EPPK1: variants seen among roughly 807,000 people sequenced by gnomAD.
The protein encoded by EPPK1 is epiplakin.
For missense variants in EPPK1, 3,823 were observed against 3,673.3 expected (o/e 1.04, Z -1.05); for synonymous variants, 1,862 against 1,721.2 (o/e 1.08, Z -2.03).
rs376434440 is a variant in EPPK1 at position 143,866,863 on chromosome 8, C to A, written c.6391G>T (p.Val2131Leu). 2 of 1,613,286 alleles carry A rather than the reference C, an allele frequency of 1.2e-6. No individual in the cohort carries two copies. The highest frequency in any genetic ancestry group is 1.7e-6 in the Non-Finnish European group (2 of 1,179,854). The change falls in exon 2 of 2, where the codon GTG (valine) becomes TTG (leucine). Residue 2131 changes from valine (V) to leucine (L), a missense_variant. Coordinates refer to ENST00000615648, the MANE Select transcript of EPPK1 (RefSeq NM_031308.4). ...AGCTGGAGCTTCTTCTCCTCTGTCA[C>A]GTATTCGGAATTCAGTAGTGCCCAC... is the stretch of plus-strand genomic sequence containing the variant. ...TLWALLNSEY[V>L]TEEKKLQLVR...
chr8:143,876,192 G>T (rs1162651010), intron 1 of EPPK1, among the ~76,000 whole-genome samples: 2 of 152,194 alleles, frequency 1.3e-5, no homozygotes, highest in Non-Finnish European at 2.9e-5. Context: ...CACAGGGGCA[G>T]ACAGGGTGCA....
chr8:143,868,878 G>C lies in EPPK1; in HGVS notation c.4376C>G (p.Thr1459Arg). Residue 1459 changes from threonine to arginine, a missense_variant, in exon 2 of 2, where the codon ACA (threonine) becomes AGA (arginine). By Grantham distance (71) the Thr-to-Arg change is moderately conservative. Coordinates refer to ENST00000615648, the MANE Select transcript of EPPK1 (RefSeq NM_031308.4). ...CACGCTACACCCCTTAAACCTCCCTGTGCTGACGGGCACCTTCATGGCCCT... is the reference window on the plus strand; with the variant it reads ...CACGCTACACCCCTTAAACCTCCCTCTGCTGACGGGCACCTTCATGGCCCT... ...ALRAMKVPVS[T>R]GRFKGCSVSL... The C allele has an allele frequency of 6.2e-7, 1 of 1,610,694 alleles. No homozygotes were observed. The highest frequency in any genetic ancestry group is 8.5e-7 in the Non-Finnish European group (1 of 1,179,834).
rs527819155 is a variant in EPPK1, at chr8:143,876,943, G to A, written c.-46+1495C>T. Among the ~76,000 whole-genome samples, 4 of 152,322 alleles carry A rather than the reference G, an allele frequency of 2.6e-5. No individual in the cohort carries two copies. The East Asian group carries it at 5.8e-4, about 22-fold the overall frequency. The stretch of plus-strand genomic sequence containing the variant: ...CACCTTGGGCGGGCCCCTGACCTGC[G>A]CACAGGCCGCCAGCCCAGACAGGCC... On this transcript the variant is annotated intron_variant, in intron 1 of 1. Coordinates refer to ENST00000615648, the MANE Select transcript of EPPK1 (RefSeq NM_031308.4).
In EPPK1 at chr8:143,866,318, G is replaced by A; in HGVS notation, c.6936C>T (p.Asp2312=). The change falls in exon 2 of 2, where the codon GAC becomes GAT. Residue 2312 remains aspartate (D), a synonymous_variant. Transcript: ENST00000615648. ...SAERAVTGYT[D]PYTGQQISLF... is the part of the protein sequence containing the mutation. ...GGGAGATCTGCTGCCCGGTGTAGGGGTCGGTGTAGCCGGTGACGGCGCGCT... is the reference window on the plus strand; with the variant it reads ...GGGAGATCTGCTGCCCGGTGTAGGGATCGGTGTAGCCGGTGACGGCGCGCT... The A allele has an allele frequency of 2.5e-6, 1 of 397,358 alleles. No individual in the cohort carries two copies. The highest frequency in any genetic ancestry group is 4.0e-6 in the Non-Finnish European group (1 of 250,112). 24.6% of individuals were successfully genotyped at this position (397,358 alleles called of 1,614,324 possible).
chr8:143,871,080 G>A lies in EPPK1; in HGVS notation c.2174C>T (p.Ala725Val). 2.5e-6 allele frequency: 4 copies of A among 1,613,024 alleles called. No individual in the cohort carries two copies. The highest frequency in any genetic ancestry group is 2.5e-6 in the Non-Finnish European group (3 of 1,179,964). ...HGIRLLEAQI[A>V]TGGVIDPVHS... ...CACGGGGTCGATGACGCCGCCCGTGGCGATCTGGGCCTCCAGCAGGCGGAT... is the reference window on the plus strand; with the variant it reads ...CACGGGGTCGATGACGCCGCCCGTGACGATCTGGGCCTCCAGCAGGCGGAT... Residue 725 changes from alanine to valine, a missense_variant, in exon 2 of 2, where the codon GCC becomes GTC. Physicochemically the swap from Ala to Val is moderately conservative, Grantham distance 64. Coordinates refer to ENST00000615648, the MANE Select transcript of EPPK1 (RefSeq NM_031308.4).
chr8:143,873,277 C>T lies in EPPK1; in HGVS notation c.-24G>A. On this transcript the variant is annotated 5_prime_UTR_variant, in exon 2 of 2. Coordinates refer to ENST00000615648, the MANE Select transcript of EPPK1 (RefSeq NM_031308.4). ...ATCACACACGGCTGGTTATGCAGAGCCTGCTGAGGTCCACCTCTGTCCTGC... is the reference window on the plus strand; with the variant it reads ...ATCACACACGGCTGGTTATGCAGAGTCTGCTGAGGTCCACCTCTGTCCTGC... The T allele has an allele frequency of 1.3e-6, 2 of 1,514,436 alleles. 1 individual carries two copies. The highest frequency in any genetic ancestry group is 4.6e-5 in the East Asian group (2 of 43,294). The allele number at this position is 1,514,436 out of a possible 1,614,324, so 93.8% of individuals were successfully genotyped here. A position where few individuals can be genotyped will look rare whatever the true frequency, so the allele number is the denominator to read the frequency against.
In EPPK1 at chr8:143,872,672, G is replaced by A; in HGVS notation, c.582C>T (p.Gly194=). The A allele has an allele frequency of 6.2e-7, 1 of 1,607,826 alleles. No homozygotes were observed. The highest frequency in any genetic ancestry group is 8.5e-7 in the Non-Finnish European group (1 of 1,178,480). Residue 194 remains glycine, a synonymous_variant, in exon 2 of 2, where the codon GGC becomes GGT. Transcript: ENST00000615648. ...GGTCGAGGAAGCGCAGGTCACCTGT[G>A]CCAGGCTCAAGCTCTGACAGCTTGT... ...TWHKLSELEP[G]TGDLRFLDPN... is the part of the protein sequence containing the mutation.
rs1201005318 is a variant in EPPK1, at chr8:143,871,073, G to A, written c.2181C>T (p.Gly727=). ...GGCTGTGCACGGGGTCGATGACGCCGCCCGTGGCGATCTGGGCCTCCAGCA... is the reference window on the plus strand; with the variant it reads ...GGCTGTGCACGGGGTCGATGACGCCACCCGTGGCGATCTGGGCCTCCAGCA... ...IRLLEAQIAT[G]GVIDPVHSHR... The change falls in exon 2 of 2, where the codon GGC becomes GGT. Residue 727 remains glycine, a synonymous_variant. Transcript: ENST00000615648. 5.0e-6 allele frequency: 8 copies of A among 1,612,822 alleles called. No individual in the cohort carries two copies. The highest frequency in any genetic ancestry group is 2.7e-5 in the African/African-American group (2 of 74,936).
Position 143,868,972 on chromosome 8 carries a change from C to T in EPPK1, c.4282G>A (p.Gly1428Arg), listed in dbSNP as rs376369201. The change falls in exon 2 of 2, where the codon GGA becomes AGA. Residue 1428 changes from glycine to arginine, a missense_variant. Gly to Arg is a moderately radical substitution (Grantham distance 125, BLOSUM62 -2). Transcript: ENST00000615648. ...RERCVCDSETGLLLLPLPSDT... is the reference protein window; with the variant it reads ...RERCVCDSETRLLLLPLPSDT... ...GAGGGCAGTGGCAACAGCAACAATCCGGTCTCGGAGTCGCACACGCAGCGC... is the reference window on the plus strand; with the variant it reads ...GAGGGCAGTGGCAACAGCAACAATCTGGTCTCGGAGTCGCACACGCAGCGC... 115 of 1,610,404 alleles carry T rather than the reference C, an allele frequency of 7.1e-5. No homozygotes were observed. The African/African-American group carries it at 9.3e-4, about 13-fold the overall frequency.
In EPPK1 at chr8:143,866,809, G is replaced by A. The variant is rs903983896; in HGVS notation, c.6445C>T (p.Arg2149Trp). 2.7e-5 allele frequency: 44 copies of A among 1,613,322 alleles called. No individual in the cohort carries two copies. The highest frequency in any genetic ancestry group is 5.3e-5 in the African/African-American group (4 of 74,932). ...LVRMYRTHTR[R>W]ALQTVAQLIL... ...AGCTGCGCTACCGTCTGCAGTGCCC[G>A]TCTGGTGTGTGTTCTATACATCCTC... The change falls in exon 2 of 2, where the codon CGG becomes TGG. Residue 2149 changes from arginine to tryptophan, a missense_variant. Arg to Trp is a moderately radical substitution (Grantham distance 101). Transcript: ENST00000615648.
intron 1 of EPPK1, among the ~76,000 whole-genome samples, chr8:143,877,703 A>G (rs1353129318): frequency 6.6e-6 from 1 of 152,118 alleles, no homozygotes; most frequent in Admixed American, 6.5e-5. Context: ...CAGCAGCCTT[A>G]GCTTCTGCCC....
In EPPK1 at chr8:143,867,953, C is replaced by G. The variant is rs782798351; in HGVS notation, c.5301G>C (p.Val1767=). ...LQIIKKGENY[V]YINEATRHVL... ...CGTGTCTCGTGGCCTCATTGATGTA[C>G]ACGTAGTTTTCTCCTTTCTTTATGA... is the stretch of plus-strand genomic sequence containing the variant. Residue 1767 remains valine (V), a synonymous_variant, in exon 2 of 2, where the codon GTG becomes GTC. Coordinates refer to ENST00000615648, the MANE Select transcript of EPPK1 (RefSeq NM_031308.4). The G allele has an allele frequency of 6.2e-7, 1 of 1,613,716 alleles. No individual in the cohort carries two copies. The highest frequency in any genetic ancestry group is 8.5e-7 in the Non-Finnish European group (1 of 1,179,966).
In EPPK1 at chr8:143,869,441, C is replaced by T; in HGVS notation, c.3813G>A (p.Leu1271=). Residue 1271 remains leucine (L), a synonymous_variant, in exon 2 of 2, where the codon CTG becomes CTA. Transcript: ENST00000615648. The part of the protein sequence containing the change: ...SIAQAVRDGL[L]PTGLGQRLLE... ...GCAGCCTCTGGCCCAGGCCTGTGGG[C>T]AGGAGGCCATCCCTCACGGCCTGGG... The T allele has an allele frequency of 1.3e-6, 2 of 1,582,406 alleles. No individual in the cohort carries two copies. Among genetic ancestry groups the T allele is most frequent in the Non-Finnish European group, 1.7e-6 (2 of 1,168,452 alleles).
intron 1 of EPPK1, 34 bp downstream of exon 1, chr8:143,878,399 CACCCG>C (rs1554662606): frequency 2.5e-5 from 2 of 79,958 alleles, no homozygotes; most frequent in Admixed American, 1.5e-4. Flanking sequence ...CACCTGCCCG[CACCCG>C]CCGCACCCGC....
In EPPK1 at chr8:143,867,487, G is replaced by T; in HGVS notation, c.5767C>A (p.Pro1923Thr). The T allele has an allele frequency of 1.2e-6, 2 of 1,612,652 alleles. No individual in the cohort carries two copies. The highest frequency in any genetic ancestry group is 1.7e-6 in the Non-Finnish European group (2 of 1,179,842). ...AGCAGCCAAGTCGCAAATGCTGCAG[G>T]GATGAGCTCCTTCCTGCTGGCCTCA... ...LHEASRKELI[P>T]AAFATWLLEA... The change falls in exon 2 of 2, where the codon CCT becomes ACT. Residue 1923 changes from proline (P) to threonine (T), a missense_variant. By Grantham distance (38) the Pro-to-Thr change is conservative. Transcript: ENST00000615648.
At position 143,857,746 on chromosome 8, in the gene EPPK1, G is replaced by C. The variant is rs150446120; in HGVS notation, c.*241C>G. 7.0e-6 allele frequency: 3 copies of C among 425,626 alleles called. No individual in the cohort carries two copies. Among genetic ancestry groups the C allele is most frequent in the East Asian group, 6.9e-5 (2 of 28,820 alleles). 26.4% of individuals were successfully genotyped at this position (425,626 alleles called of 1,614,324 possible). A position where few individuals can be genotyped will look rare whatever the true frequency, so the allele number is the denominator to read the frequency against. On this transcript the variant is annotated 3_prime_UTR_variant, in exon 2 of 2. Transcript: ENST00000615648. ...TCTGAAAACGAAAAAGGAGAGAAAA[G>C]TAAAACCATATGACACATAGACGAC...
At position 143,869,480 on chromosome 8, in the gene EPPK1, G is replaced by A. The variant is rs368816370; in HGVS notation, c.3774C>T (p.Ala1258=). 1.3e-6 allele frequency: 2 copies of A among 1,547,188 alleles called. No homozygotes were observed. The highest frequency in any genetic ancestry group is 1.2e-5 in the South Asian group (1 of 82,802). Residue 1258 remains alanine (A), a synonymous_variant, in exon 2 of 2, where the codon GCC becomes GCT. Coordinates refer to ENST00000615648, the MANE Select transcript of EPPK1 (RefSeq NM_031308.4). ...TCACGGCCTGGGCGATGCTGGCCTTGGCCCCAGAGGGCTGTAGCAGCACAC... is the reference window on the plus strand; with the variant it reads ...TCACGGCCTGGGCGATGCTGGCCTTAGCCCCAGAGGGCTGTAGCAGCACAC... The part of the protein sequence containing the change: ...VAGVLLQPSG[A]KASIAQAVRD...
In EPPK1 at chr8:143,866,660, C is replaced by A; in HGVS notation, c.6594G>T (p.Gln2198His). The A allele has an allele frequency of 6.2e-7, 1 of 1,613,176 alleles. No individual in the cohort carries two copies. Among genetic ancestry groups the A allele is most frequent in the Non-Finnish European group, 8.5e-7 (1 of 1,179,892 alleles). The change falls in exon 2 of 2, where the codon CAG (glutamine) becomes CAT (histidine). Residue 2198 changes from glutamine (Q) to histidine (H), a missense_variant. Transcript: ENST00000615648. ...SSAIITEEMLQDLETGRSTTQ... is the reference protein window; with the variant it reads ...SSAIITEEMLHDLETGRSTTQ... ...TCGTGCTCCGTCCCGTTTCCAGGTC[C>A]TGGAGCATTTCCTCCGTGATTATGG...
At position 143,870,566 on chromosome 8, in the gene EPPK1, A is replaced by ACCGGCCTCCAGGAGCTGGTGGACGGTGAC; in HGVS notation, c.2659_2687dup (p.Ile897SerfsTer64). 2 of 1,611,286 alleles carry ACCGGCCTCCAGGAGCTGGTGGACGGTGAC rather than the reference A, an allele frequency of 1.2e-6. No homozygotes were observed. The highest frequency in any genetic ancestry group is 1.7e-6 in the Non-Finnish European group (2 of 1,179,370). On this transcript the variant is annotated frameshift_variant, in exon 2 of 2. Transcript: ENST00000615648. LOFTEE classifies it low-confidence loss of function (END_TRUNC). The surrounding 1 kb of genome is among the most constrained non-coding windows in gnomAD (Gnocchi z 5.2). The stretch of plus-strand genomic sequence containing the variant: ...GGTCCAACAGCTGCTGGTCAATGAT[A>ACCGGCCTCCAGGAGCTGGTGGACGGTGAC]CCGGCCTCCAGGAGCTGGTGGACGG...
Sources: allele counts gnomAD v4.1 joint callset (sites outside exome capture counted in the v4.1 genomes callset), GRCh38; gene constraint gnomAD v4.1.1; non-coding constraint Gnocchi (gnomAD v3.1); transcripts MANE v1.5; gene names NCBI Gene and HGNC (gene_info 2026-07-23, HGNC 2026-07-21).